Variants in NFATC1 observed in about 807,000 individuals in gnomAD.
The protein encoded by NFATC1 is nuclear factor of activated T-cells, cytoplasmic 1.
Under a neutral mutation model 76.0 loss-of-function variants are expected in NFATC1, and 22 were observed. The ratio of observed to expected loss-of-function variants is 0.29; its 90% CI spans 0.21 to 0.41. The LOEUF (loss-of-function observed/expected upper bound fraction) is 0.41, where lower values mean the gene tolerates loss of function less well. NFATC1 is among the 10% of genes least tolerant of loss of function. The probability of loss-of-function intolerance (pLI) is 1.00; values close to 1 mark genes in which losing one functional copy is unlikely to be tolerated. For synonymous variants in NFATC1, 704 were observed against 613.1 expected, an observed-to-expected ratio of 1.15 and a Z score of -2.19; for missense variants, 1,357 against 1,337.7, an observed-to-expected ratio of 1.01 and a Z score of -0.23.
intron 2 of NFATC1, among the ~76,000 whole-genome samples, chr18:79,412,597 G>A (rs977447640): frequency 6.6e-6 from 1 of 152,210 alleles, no homozygotes; most frequent in African/African-American, 2.4e-5. Flanking sequence ...TCTCTGCTCT[G>A]CAGTCTCAGG....
At chr18:79,452,231 A>G (rs114339426) in intron 6 of NFATC1, 2,989 of 157,210 alleles carry the variant, frequency 0.019, 83 homozygotes, top group African/African-American at 0.06. Flanking sequence ...CCCTCCCGCC[A>G]GCATTCCTGG....
At chr18:79,413,346 G>A (rs564176724) in intron 2 of NFATC1, among the ~76,000 whole-genome samples, 18 of 152,308 alleles carry the variant, frequency 1.2e-4, no homozygotes, top group Admixed American at 3.3e-4. Context: ...AGGTTTTCTC[G>A]CGGGGTCCTG....
intron 9 of NFATC1, among the ~76,000 whole-genome samples, chr18:79,522,424 C>A: frequency 1.1e-5 from 1 of 86,978 alleles, no homozygotes; most frequent in South Asian, 4.1e-4. Context: ...GGGACGTCTG[C>A]TGGTGTGTGT....
chr18:79,413,054 A>G (rs2085752380), intron 2 of NFATC1, among the ~76,000 whole-genome samples: 1 of 152,204 alleles, frequency 6.6e-6, no homozygotes, highest in South Asian at 2.1e-4. Flanking sequence ...GTTATTGTTT[A>G]AGTAAAAGTA....
intron 2 of NFATC1, among the ~76,000 whole-genome samples, chr18:79,426,219 A>G (rs2086322936): frequency 6.7e-6 from 1 of 149,922 alleles, no homozygotes; most frequent in South Asian, 2.1e-4. Flanking sequence ...TCAGACAGTG[A>G]TCATTTCAGG....
At position 79,482,509 on chromosome 18, in the gene NFATC1, T is replaced by C. The variant is rs190498264; in HGVS notation, c.2093-3739T>C. On this transcript the variant is annotated intron_variant, in intron 8 of 9. Coordinates refer to ENST00000427363, the MANE Select transcript of NFATC1 (RefSeq NM_001278669.2). ...GCATGAGCTGTTTCCTGGGGTGTCA[T>C]TCCAGCGTGACCTGGTCCTGGGGTG... Among the ~76,000 whole-genome samples, 531 of 144,958 alleles carry C rather than the reference T, an allele frequency of 3.7e-3. 3 individuals carry two copies. Among genetic ancestry groups the C allele is most frequent in the African/African-American group, 0.013 (502 of 38,478 alleles).
Position 79,461,338 on chromosome 18 carries a change from C to A in NFATC1, c.1931C>A (p.Ala644Glu). 1 of 1,495,898 alleles carries A rather than the reference C, an allele frequency of 6.7e-7. No individual in the cohort carries two copies. Among genetic ancestry groups the A allele is most frequent in the Non-Finnish European group, 8.8e-7 (1 of 1,133,906 alleles). The allele number at this position is 1,495,898 out of a possible 1,614,324, so 92.7% of individuals were successfully genotyped here. A position where few individuals can be genotyped will look rare whatever the true frequency, so the allele number is the denominator to read the frequency against. Residue 644 changes from alanine to glutamate, a missense_variant, in exon 7 of 10, where the codon GCG becomes GAG. Around this residue, in one of 3 missense-constraint regions of NFATC1, gnomAD observed 242 missense variants for 329.2 expected, o/e 0.74. Coordinates refer to ENST00000427363, the MANE Select transcript of NFATC1 (RefSeq NM_001278669.2). ...GGCCACCATGTCTGGGAGATGGAAG[C>A]GAAAACTGACCGGGACCTGTGCAAG... ...PDGHHVWEME[A>E]KTDRDLCKPN... is the part of the protein sequence containing the mutation.
intron 9 of NFATC1, chr18:79,497,258 A>G (rs1487363497): frequency 6.6e-6 from 1 of 152,280 alleles, no homozygotes; most frequent in Non-Finnish European, 1.5e-5. Flanking sequence ...TGTCAAATCA[A>G]CCACCAAATC....
intron 9 of NFATC1, among the ~76,000 whole-genome samples, chr18:79,495,710 G>A (rs772386298): frequency 2.0e-5 from 3 of 152,270 alleles, no homozygotes; most frequent in East Asian, 1.9e-4. Flanking sequence ...AGTGTGGGGC[G>A]TGTGTGCGAT....
At position 79,482,621 on chromosome 18, in the gene NFATC1, G is replaced by T. The variant is rs572029250; in HGVS notation, c.2093-3627G>T. Among the ~76,000 whole-genome samples, 43 of 144,348 alleles carry T rather than the reference G, an allele frequency of 3.0e-4. 1 individual carries two copies. The highest frequency in any genetic ancestry group is 5.1e-4 in the Non-Finnish European group (34 of 66,252). 94.7% of individuals were successfully genotyped at this position (144,348 alleles called of 152,430 possible). A position where few individuals can be genotyped will look rare whatever the true frequency, so the allele number is the denominator to read the frequency against. On this transcript the variant is annotated intron_variant, in intron 8 of 9. Transcript: ENST00000427363. ...ATTCCAGCATGACCTGGTTCCTGGG[G>T]TGTAATTCCAGCGTGACCTCGTTCC...
intron 2 of NFATC1, chr18:79,421,532 G>C (rs1038830337): frequency 6.6e-6 from 1 of 152,578 alleles, no homozygotes; most frequent in African/African-American, 2.4e-5. Flanking sequence ...GCAGGGATCA[G>C]CCTCTTTTTG....
chr18:79,500,722 C>G (rs966810265), intron 9 of NFATC1, among the ~76,000 whole-genome samples: 1 of 152,102 alleles, frequency 6.6e-6, no homozygotes, highest in African/African-American at 2.4e-5. Context: ...ATACTATAAC[C>G]TTATGCCAAC....
rs982391841 is a variant in NFATC1 at position 79,527,639 on chromosome 18, G to A, written c.*62G>A. On this transcript the variant is annotated 3_prime_UTR_variant, in exon 10 of 10. Coordinates refer to ENST00000427363, the MANE Select transcript of NFATC1 (RefSeq NM_001278669.2). ...CTGACTTCAGCAGACAAAGACTTTTGAATAAATAAACTGAACTCACACCTG... is the reference window on the plus strand; with the variant it reads ...CTGACTTCAGCAGACAAAGACTTTTAAATAAATAAACTGAACTCACACCTG... 2.0e-6 allele frequency: 3 copies of A among 1,485,568 alleles called. No homozygotes were observed. The highest frequency in any genetic ancestry group is 2.8e-6 in the Non-Finnish European group (3 of 1,066,000). 92.0% of individuals were successfully genotyped at this position (1,485,568 alleles called of 1,614,324 possible). A position where few individuals can be genotyped will look rare whatever the true frequency, so the allele number is the denominator to read the frequency against.
chr18:79,398,843 C>A (rs962351095), intron 1 of NFATC1, among the ~76,000 whole-genome samples: 1 of 152,186 alleles, frequency 6.6e-6, no homozygotes, highest in Non-Finnish European at 1.5e-5. Context: ...CCGAGGCAAG[C>A]GGATCACGAG....
At chr18:79,419,877 A>G (rs1266807286) in intron 2 of NFATC1, among the ~76,000 whole-genome samples, 1 of 152,238 alleles carries the variant, frequency 6.6e-6, no homozygotes, top group Non-Finnish European at 1.5e-5. Context: ...AGTTATTCAC[A>G]TTCAAAACCA....
intron 6 of NFATC1, among the ~76,000 whole-genome samples, chr18:79,455,598 G>T (rs1196871959): frequency 6.6e-6 from 1 of 152,154 alleles, no homozygotes; most frequent in Non-Finnish European, 1.5e-5. Context: ...AATGTGGGAG[G>T]CCGGGTGGCC....
intron 2 of NFATC1, among the ~76,000 whole-genome samples, chr18:79,430,387 GGTTT>G (rs1381720014): frequency 2.6e-5 from 4 of 151,984 alleles, no homozygotes; most frequent in African/African-American, 9.7e-5. Flanking sequence ...TTTTGTTTTT[GGTTT>G]GTTTGTTTTG....
At position 79,411,246 on chromosome 18, in the gene NFATC1, G is replaced by A; in HGVS notation, c.971G>A (p.Ser324Asn). 6.2e-7 allele frequency: 1 copy of A among 1,603,634 alleles called. No individual in the cohort carries two copies. The highest frequency in any genetic ancestry group is 2.2e-5 in the East Asian group (1 of 44,868). Residue 324 changes from serine (S) to asparagine (N), a missense_variant, in exon 2 of 10, where the codon AGC (serine) becomes AAC (asparagine). By Grantham distance (46) the Ser-to-Asn change is conservative. Around this residue, in one of 3 missense-constraint regions of NFATC1, gnomAD observed 691 missense variants for 613.1 expected, o/e 1.13. Transcript: ENST00000427363. ...AAINALTTDS[S>N]LDLGDGVPVK... Reference sequence around the variant, plus strand: ...ATCAACGCGCTGACCACCGACAGCAGCCTGGACCTGGGAGATGGCGTCCCT... The same window carrying A: ...ATCAACGCGCTGACCACCGACAGCAACCTGGACCTGGGAGATGGCGTCCCT...
Position 79,400,185 on chromosome 18 carries a change from C to A in NFATC1, c.127+3834C>A, listed in dbSNP as rs988149858. 3 of 1,147,386 alleles carry A rather than the reference C, an allele frequency of 2.6e-6. No homozygotes were observed. In the African/African-American group the frequency reaches 5.1e-5, roughly 20 times the overall value. The allele number at this position is 1,147,386 out of a possible 1,614,324, so 71.1% of individuals were successfully genotyped here. On this transcript the variant is annotated intron_variant, in intron 1 of 9. Transcript: ENST00000427363. ...ACGAGTTTATTTAAAAACTCGTGTC[C>A]GGGGAGTTTATTTAAAACTCGGAAG... is the stretch of plus-strand genomic sequence containing the variant.
Sources: allele counts gnomAD v4.1 joint callset (sites outside exome capture counted in the v4.1 genomes callset), GRCh38; gene constraint gnomAD v4.1.1; regional missense constraint gnomAD v4.1.1; transcripts MANE v1.5; gene names NCBI Gene and HGNC (gene_info 2026-07-23, HGNC 2026-07-21).